Variants in PDZRN3 observed in about 807,000 individuals in gnomAD.
PDZRN3 encodes E3 ubiquitin-protein ligase PDZRN3.
In PDZRN3, 38 loss-of-function variants were observed where a neutral mutation model predicts 85.7. That is an observed-to-expected ratio of 0.44 (90% CI 0.34 to 0.58). The LOEUF (loss-of-function observed/expected upper bound fraction) is 0.58. Ranked by LOEUF, PDZRN3 falls within the 20% of genes least tolerant of loss-of-function variation. The probability of loss-of-function intolerance (pLI) is 0.01; values close to 1 mark genes in which losing one functional copy is unlikely to be tolerated. For synonymous variants in PDZRN3, 759 were observed against 638.0 expected, an observed-to-expected ratio of 1.19 and a Z score of -2.86; for missense variants, 1,629 against 1,506.4, an observed-to-expected ratio of 1.08 and a Z score of -1.35.
chr3:73,551,677 A>G, intron 3 of PDZRN3, among the ~76,000 whole-genome samples: 1 of 135,844 alleles, frequency 7.4e-6, no homozygotes, highest in East Asian at 2.2e-4. Context: ...CAACAGAGTG[A>G]GACCCTGTTT....
intron 3 of PDZRN3, among the ~76,000 whole-genome samples, chr3:73,521,769 C>G (rs992597635): frequency 2.0e-5 from 3 of 152,206 alleles, no homozygotes; most frequent in African/African-American, 4.8e-5. Context: ...TTTGTTTTGT[C>G]TCTGTATCTT....
At chr3:73,477,587 C>A (rs189253246) in intron 3 of PDZRN3, among the ~76,000 whole-genome samples, 1 of 152,164 alleles carries the variant, frequency 6.6e-6, no homozygotes, top group Non-Finnish European at 1.5e-5. Flanking sequence ...AAAACAAACG[C>A]TCATGAGCAA....
intron 3 of PDZRN3, among the ~76,000 whole-genome samples, chr3:73,489,289 T>C (rs1298246327): frequency 6.6e-6 from 1 of 152,226 alleles, no homozygotes; most frequent in Non-Finnish European, 1.5e-5. Flanking sequence ...TATTTTCATA[T>C]CTTTAATGGT....
rs146640162 is a variant in PDZRN3, at chr3:73,389,873, G to C, written c.1359C>G (p.Asp453Glu). The C allele has an allele frequency of 6.9e-4, 1,105 of 1,613,018 alleles. 1 individual carries two copies. Among genetic ancestry groups the C allele is most frequent in the Non-Finnish European group, 8.6e-4 (1,014 of 1,179,004 alleles). ...CATCCTTGGCTGCAATGCTGTTAGG[G>C]TCAATCTGAAACACACATGGACCAT... ...DDIGIYISEI[D>E]PNSIAAKDGR... Residue 453 changes from aspartate (D) to glutamate (E), a missense_variant, in exon 7 of 10, where the codon GAC becomes GAG. Transcript: ENST00000263666.
intron 3 of PDZRN3, among the ~76,000 whole-genome samples, chr3:73,523,822 AT>A (rs1238706148): frequency 1.3e-5 from 2 of 152,184 alleles, no homozygotes; most frequent in Non-Finnish European, 2.9e-5. Flanking sequence ...AGCTGCACTC[AT>A]TTAGGAATGA....
intron 5 of PDZRN3, among the ~76,000 whole-genome samples, chr3:73,398,273 G>A (rs1342817794): frequency 2.6e-5 from 4 of 152,262 alleles, no homozygotes; most frequent in South Asian, 2.1e-4. Context: ...GACAATATTC[G>A]TGACTTGGCG....
chr3:73,610,451 T>C (rs1210733730), intron 1 of PDZRN3, among the ~76,000 whole-genome samples: 1 of 152,224 alleles, frequency 6.6e-6, no homozygotes, highest in African/African-American at 2.4e-5. Context: ...GGCAATAACT[T>C]TCACTGCTCT....
chr3:73,525,214 G>A (rs994920278), intron 3 of PDZRN3, among the ~76,000 whole-genome samples: 15 of 152,194 alleles, frequency 9.9e-5, no homozygotes, highest in East Asian at 3.9e-4. Flanking sequence ...TGCATAGCAT[G>A]TTTCAGCATT....
intron 3 of PDZRN3, among the ~76,000 whole-genome samples, chr3:73,433,141 G>T (rs1374193982): frequency 1.3e-5 from 2 of 152,216 alleles, no homozygotes; most frequent in Non-Finnish European, 2.9e-5. Context: ...GAAATGGCAA[G>T]TGAGAAGTAC....
chr3:73,452,027 C>T (rs1377052094), intron 3 of PDZRN3, among the ~76,000 whole-genome samples: 1 of 152,116 alleles, frequency 6.6e-6, no homozygotes, highest in Non-Finnish European at 1.5e-5. Flanking sequence ...TGTGGGTAAG[C>T]AATAACCTGC....
At chr3:73,600,668 T>C (rs571277073) in intron 3 of PDZRN3, among the ~76,000 whole-genome samples, 99 of 152,316 alleles carry the variant, frequency 6.5e-4, no homozygotes, top group African/African-American at 2.3e-3. Flanking sequence ...GAGAAAATCC[T>C]GCCCAGCTGT....
At chr3:73,456,333 T>C (rs1040448616) in intron 3 of PDZRN3, among the ~76,000 whole-genome samples, 10 of 152,222 alleles carry the variant, frequency 6.6e-5, no homozygotes, top group African/African-American at 2.4e-4. Flanking sequence ...GACCCTGATA[T>C]CACAGGAGCT....
chr3:73,594,134 C>G (rs998641255), intron 3 of PDZRN3: 1 of 152,038 alleles, frequency 6.6e-6, no homozygotes, highest in African/African-American at 2.4e-5. Flanking sequence ...ATAAATATAA[C>G]AAAGCCCATA....
At chr3:73,517,478 A>G (rs1704276609) in intron 3 of PDZRN3, among the ~76,000 whole-genome samples, 1 of 152,214 alleles carries the variant, frequency 6.6e-6, no homozygotes, top group Non-Finnish European at 1.5e-5. Context: ...TACTAGGTAA[A>G]CAAAAGCCCT....
chr3:73,474,536 C>T, intron 3 of PDZRN3: 1 of 1,287,646 alleles, frequency 7.8e-7, no homozygotes, highest in Non-Finnish European at 1.0e-6. Context: ...GTTCCATCTT[C>T]ATTTAAAAAT....
chr3:73,479,756 G>C (rs1300433264), intron 3 of PDZRN3, among the ~76,000 whole-genome samples: 1 of 152,184 alleles, frequency 6.6e-6, no homozygotes, highest in African/African-American at 2.4e-5. Flanking sequence ...CCAATGCCTT[G>C]TGTGAACTCA....
chr3:73,600,337 A>ACACACACACTCTCTCTCTCTCTCTCT (rs34405662), intron 3 of PDZRN3, among the ~76,000 whole-genome samples: 8 of 100,052 alleles, frequency 8.0e-5, no homozygotes, highest in African/African-American at 2.6e-4. Context: ...ACACACACAC[A>ACACACACACTCTCTCTCTCTCTCTCT]CTCTCTCTCT....
chr3:73,446,907 C>T (rs183713837), intron 3 of PDZRN3, among the ~76,000 whole-genome samples: 2 of 151,884 alleles, frequency 1.3e-5, no homozygotes, highest in East Asian at 3.9e-4. Flanking sequence ...TGAGCTGGCT[C>T]CTAGCTCCTG....
chr3:73,411,206 T>C (rs1009381319), intron 3 of PDZRN3, among the ~76,000 whole-genome samples: 2 of 152,066 alleles, frequency 1.3e-5, no homozygotes, highest in African/African-American at 2.4e-5. Context: ...GGTCTTGGAG[T>C]GTTTGCAAAA....
Sources: allele counts gnomAD v4.1 joint callset (sites outside exome capture counted in the v4.1 genomes callset), GRCh38; gene constraint gnomAD v4.1.1; transcripts MANE v1.5; gene names NCBI Gene and HGNC (gene_info 2026-07-23, HGNC 2026-07-21).